SGIP1: variants seen among roughly 807,000 people sequenced by gnomAD.
The protein encoded by SGIP1 is SH3GL interacting endocytic adaptor 1, also known as SH3-containing GRB2-like protein 3-interacting protein 1.
SGIP1 carries 38 observed loss-of-function variants against 107.5 expected under a neutral mutation model. The observed-to-expected ratio is 0.35, with a 90% CI of 0.27 to 0.46. The LOEUF is 0.46. Ranked by LOEUF, SGIP1 falls within the 20% of genes least tolerant of loss-of-function variation. The probability of loss-of-function intolerance (pLI) is 1.00; values close to 1 mark genes in which losing one functional copy is unlikely to be tolerated. For synonymous variants in SGIP1, 365 were observed against 366.1 expected (o/e 1.00, Z 0.03); for missense variants, 929 against 1,019.5 (o/e 0.91, Z 1.21).
At chr1:66,538,309 T>C (rs1282914309) in intron 1 of SGIP1, among the ~76,000 whole-genome samples, 2 of 152,186 alleles carry the variant, frequency 1.3e-5, no homozygotes. Context: ...ACTGATTCTC[T>C]TCTTTAAATG....
intron 21 of SGIP1, among the ~76,000 whole-genome samples, 156 bp from the exon 22 acceptor site, chr1:66,739,179 A>T (rs774173013): frequency 6.6e-6 from 1 of 151,858 alleles, no homozygotes; most frequent in Non-Finnish European, 1.5e-5. Context: ...AGTCTGTAAC[A>T]GTTTACTTGA....
intron 1 of SGIP1, among the ~76,000 whole-genome samples, chr1:66,624,936 A>G (rs1428739912): frequency 6.6e-6 from 1 of 152,198 alleles, no homozygotes; most frequent in Non-Finnish European, 1.5e-5. Flanking sequence ...AGGATGGAAG[A>G]AAAGGGCTTT....
In SGIP1 at chr1:66,659,989, A is replaced by G. The variant is rs1284456792; in HGVS notation, c.460-524A>G. ...AAGAAAGAAAGAAAGAAAGAAAGAA[A>G]GAAAGAAAGACAGACAGACAGACAG... On this transcript the variant is annotated intron_variant, in intron 7 of 24. Transcript: ENST00000371037. 19 of 93,248 alleles carry G rather than the reference A, an allele frequency of 2.0e-4. 3 individuals carry two copies. In the East Asian group the frequency reaches 7.5e-3, roughly 37 times the overall value. The allele number at this position is 93,248 out of a possible 1,614,324, so 5.8% of individuals were successfully genotyped here. A position where few individuals can be genotyped will look rare whatever the true frequency, so the allele number is the denominator to read the frequency against.
chr1:66,628,852 C>G (rs1195717042), intron 2 of SGIP1, among the ~76,000 whole-genome samples: 1 of 18,866 alleles, frequency 5.3e-5, no homozygotes, highest in Non-Finnish European at 8.1e-5. Flanking sequence ...CCTTCCTTAA[C>G]TTATCATTTG....
intron 2 of SGIP1, among the ~76,000 whole-genome samples, chr1:66,631,657 CTCTCTCTCTT>C (rs2074713923): frequency 1.3e-5 from 2 of 150,138 alleles, no homozygotes; most frequent in Admixed American, 1.3e-4. Flanking sequence ...GCATTGCTCT[CTCTCTCTCTT>C]TCTCTCTCTC....
At chr1:66,667,656 A>C in intron 9 of SGIP1, 115 bp downstream of exon 9, 1 of 897,758 alleles carries the variant, frequency 1.1e-6, no homozygotes, top group Non-Finnish European at 1.9e-6. Context: ...AATGAGGCAG[A>C]TGAAATAGGT....
At chr1:66,735,222 A>G (rs1281183026) in intron 21 of SGIP1, among the ~76,000 whole-genome samples, 1 of 150,520 alleles carries the variant, frequency 6.6e-6, no homozygotes, top group Non-Finnish European at 1.5e-5. Context: ...ATTTTATTTT[A>G]TTTAGTTTTT....
chr1:66,695,817 G>C (rs1042390471), intron 18 of SGIP1, among the ~76,000 whole-genome samples: 2 of 151,982 alleles, frequency 1.3e-5, no homozygotes, highest in Non-Finnish European at 2.9e-5. Context: ...TGTCAACCAG[G>C]GCTCTTTCCT....
intron 17 of SGIP1, chr1:66,695,124 A>G (rs1046472081): frequency 6.4e-6 from 3 of 467,294 alleles, no homozygotes; most frequent in African/African-American, 5.9e-5. Context: ...CAGTTAAAAT[A>G]TGCTGACGCC....
chr1:66,675,993 G>C (rs890733703), intron 12 of SGIP1, among the ~76,000 whole-genome samples: 1 of 152,140 alleles, frequency 6.6e-6, no homozygotes, highest in African/African-American at 2.4e-5. Flanking sequence ...AGTGGAACTG[G>C]TATCAACCAC....
rs762153529 is a variant in SGIP1, at chr1:66,733,900, C to T, written c.2031+20C>T. On this transcript the variant is annotated intron_variant, in intron 21 of 24. Coordinates refer to ENST00000371037, the MANE Select transcript of SGIP1 (RefSeq NM_032291.4). ...TATCAGGTAAGCCTATTTACATGAT[C>T]GGTATCTCTTCCACATGACATATTT... The T allele has an allele frequency of 1.9e-5, 30 of 1,605,526 alleles. No individual in the cohort carries two copies. The highest frequency in any genetic ancestry group is 2.1e-5 in the Non-Finnish European group (25 of 1,175,716).
intron 1 of SGIP1, among the ~76,000 whole-genome samples, chr1:66,586,399 C>T (rs967360989): frequency 2.0e-5 from 3 of 151,940 alleles, no homozygotes; most frequent in Non-Finnish European, 4.4e-5. Flanking sequence ...TCCTCATTTC[C>T]GTTTTCTCTT....
At chr1:66,616,062 G>C (rs1263035295) in intron 1 of SGIP1, 1 of 152,194 alleles carries the variant, frequency 6.6e-6, no homozygotes, top group Admixed American at 6.5e-5. Flanking sequence ...CCTGCACAAA[G>C]AGAAGGCTTC....
intron 18 of SGIP1, among the ~76,000 whole-genome samples, chr1:66,710,990 G>T (rs1383146134): frequency 6.6e-6 from 1 of 152,094 alleles, no homozygotes; most frequent in Non-Finnish European, 1.5e-5. Flanking sequence ...ATCTTGGGTG[G>T]TGTGTAAAGC....
At chr1:66,687,757 C>T (rs769518976) in intron 15 of SGIP1, among the ~76,000 whole-genome samples, 11 of 152,082 alleles carry the variant, frequency 7.2e-5, no homozygotes, top group Non-Finnish European at 1.0e-4. Context: ...AAGTGCTTAG[C>T]GTAGACCTTG....
intron 1 of SGIP1, among the ~76,000 whole-genome samples, chr1:66,617,768 T>C (rs75802672): frequency 0.016 from 2,410 of 152,294 alleles, 19 homozygotes; most frequent in Non-Finnish European, 0.026. Flanking sequence ...GATTTAAACA[T>C]GCAAAATACA....
intron 18 of SGIP1, among the ~76,000 whole-genome samples, chr1:66,708,761 G>A (rs1314570591): frequency 1.5e-5 from 2 of 137,276 alleles, no homozygotes; most frequent in South Asian, 4.3e-4. Context: ...TTCCTGGACT[G>A]AGCAGAATTT....
At chr1:66,582,800 C>T (rs2062003073) in intron 1 of SGIP1, among the ~76,000 whole-genome samples, 1 of 151,288 alleles carries the variant, frequency 6.6e-6, no homozygotes, top group Non-Finnish European at 1.5e-5. Context: ...GATGATCCAC[C>T]TTGAACAATT....
rs1571134261 is a variant in SGIP1 at position 66,547,438 on chromosome 1, A to G, written c.10+13070A>G. ...CAAATATAGTTCTGTATACAATTTC[A>G]GCAAAGTCTAATCCTCTTTATCCAA... On this transcript the variant is annotated intron_variant, in intron 1 of 24. Transcript: ENST00000371037. 2.0e-5 allele frequency among the ~76,000 whole-genome samples: 3 copies of G among 152,334 alleles called. No homozygotes were observed. The South Asian group carries it at 6.2e-4, about 32-fold the overall frequency.
Sources: allele counts gnomAD v4.1 joint callset (sites outside exome capture counted in the v4.1 genomes callset), GRCh38; gene constraint gnomAD v4.1.1; transcripts MANE v1.5; gene names NCBI Gene and HGNC (gene_info 2026-07-23, HGNC 2026-07-21).